The following HIF1AN variants were observed in gnomAD, a reference collection of about 807,000 sequenced individuals.
HIF1AN encodes hypoxia inducible factor 1 subunit alpha inhibitor.
HIF1AN carries 21 observed loss-of-function variants against 47.7 expected under a neutral mutation model. The observed-to-expected ratio is 0.44, with a 90% CI of 0.31 to 0.63. The LOEUF is 0.63. Ranked by LOEUF, HIF1AN falls within the 30% of genes least tolerant of loss-of-function variation. The pLI, the probability that HIF1AN is intolerant of heterozygous loss-of-function variation, is 0.07. For missense variants in HIF1AN, 320 were observed against 432.7 expected (o/e 0.74, Z 2.31); for synonymous variants, 152 against 155.9 (o/e 0.98, Z 0.18).
In HIF1AN at chr10:100,536,008, G is replaced by T; in HGVS notation, c.50G>T (p.Arg17Leu). 6.3e-7 allele frequency: 1 copy of T among 1,577,648 alleles called. No individual in the cohort carries two copies. The highest frequency in any genetic ancestry group is 2.4e-5 in the East Asian group (1 of 42,458). Residue 17 changes from arginine to leucine, a missense_variant, in exon 1 of 8, where the codon CGG becomes CTG. Arg to Leu is a moderately radical substitution (Grantham distance 102, BLOSUM62 -2). This residue lies in a region of HIF1AN where 159 missense variants were observed against 159.9 expected (regional missense o/e 0.99). Coordinates refer to ENST00000299163, the MANE Select transcript of HIF1AN (RefSeq NM_017902.3). ...GTGGCCTCTGGCTCTGGAGAGCCCC[G>T]GGAGGAGGCTGGAGCCCTCGGCCCC... Reference protein sequence around the residue: ...EAVASGSGEPREEAGALGPAW... With the variant: ...EAVASGSGEPLEEAGALGPAW...
In HIF1AN at chr10:100,556,869, G is replaced by A. The variant is rs900091159; in HGVS notation, c.*8732G>A. The A allele has an allele frequency of 2.6e-5, 4 of 152,186 alleles. No individual in the cohort carries two copies. Among genetic ancestry groups the A allele is most frequent in the African/African-American group, 9.7e-5 (4 of 41,434 alleles). The allele number at this position is 152,186 out of a possible 1,614,324, so 9.4% of individuals were successfully genotyped here. A position where few individuals can be genotyped will look rare whatever the true frequency, so the allele number is the denominator to read the frequency against. ...TAAAACACCTGGCTCAAGCACTCAG[G>A]AAAATGTTTTATTATGAAGACCAAG... On this transcript the variant is annotated 3_prime_UTR_variant, in exon 8 of 8. Coordinates refer to ENST00000299163, the MANE Select transcript of HIF1AN (RefSeq NM_017902.3).
chr10:100,547,227 G>A lies in HIF1AN; in HGVS notation c.982G>A (p.Glu328Lys). The change falls in exon 7 of 8, where the codon GAG (glutamate) becomes AAG (lysine). Residue 328 changes from glutamate to lysine, a missense_variant. Coordinates refer to ENST00000299163, the MANE Select transcript of HIF1AN (RefSeq NM_017902.3). ...IMRNIEKMLGEALGNPQEVGP... is the reference protein window; with the variant it reads ...IMRNIEKMLGKALGNPQEVGP... ...GAGAAACATTGAGAAGATGCTTGGAGAGGCCTTGGGGAACCCACAAGAGGT... is the reference window on the plus strand; with the variant it reads ...GAGAAACATTGAGAAGATGCTTGGAAAGGCCTTGGGGAACCCACAAGAGGT... 1 of 1,613,570 alleles carries A rather than the reference G, an allele frequency of 6.2e-7. No individual in the cohort carries two copies. Among genetic ancestry groups the A allele is most frequent in the Non-Finnish European group, 8.5e-7 (1 of 1,179,670 alleles).
chr10:100,548,427 T>C lies in HIF1AN; in HGVS notation c.*290T>C, dbSNP rs1473964102. ...GAGTCCCAGCTTTTGGTTGTCATCA[T>C]GTCTGTGTGTATGTTAGTCTGTCAA... On this transcript the variant is annotated 3_prime_UTR_variant, in exon 8 of 8. Coordinates refer to ENST00000299163, the MANE Select transcript of HIF1AN (RefSeq NM_017902.3). The C allele has an allele frequency of 1.2e-5, 5 of 404,474 alleles. No homozygotes were observed. The South Asian group carries it at 1.6e-4, about 13-fold the overall frequency. 25.1% of individuals were successfully genotyped at this position (404,474 alleles called of 1,614,324 possible). A position where few individuals can be genotyped will look rare whatever the true frequency, so the allele number is the denominator to read the frequency against.
At position 100,553,806 on chromosome 10, in the gene HIF1AN, G is replaced by T. The variant is rs1843189289; in HGVS notation, c.*5669G>T. 6.6e-6 allele frequency: 1 copy of T among 152,164 alleles called. No individual in the cohort carries two copies. 9.4% of individuals were successfully genotyped at this position (152,164 alleles called of 1,614,324 possible). On this transcript the variant is annotated 3_prime_UTR_variant, in exon 8 of 8. Coordinates refer to ENST00000299163, the MANE Select transcript of HIF1AN (RefSeq NM_017902.3). ...AACTATAATAACATGGGTGGAGGGA[G>T]GCATGTTGAAAATATCTACCTCAGG...
chr10:100,537,143 CGT>C (rs1264484492), intron 2 of HIF1AN, among the ~76,000 whole-genome samples: 1 of 152,012 alleles, frequency 6.6e-6, no homozygotes, highest in Non-Finnish European at 1.5e-5. Flanking sequence ...GCCTGGGAAA[CGT>C]GGTGAGAGCT....
chr10:100,542,683 T>TA, intron 3 of HIF1AN, among the ~76,000 whole-genome samples: 1 of 152,234 alleles, frequency 6.6e-6, no homozygotes, highest in East Asian at 1.9e-4. Flanking sequence ...AAATAGATAA[T>TA]ACATTCATGG....
intron 7 of HIF1AN, among the ~76,000 whole-genome samples, chr10:100,547,825 C>G (rs1843108590): frequency 1.3e-5 from 2 of 151,952 alleles, no homozygotes; most frequent in Admixed American, 1.3e-4. Flanking sequence ...GCTTCTCTGA[C>G]CATGTCTGTC....
rs1019961819 is a variant in HIF1AN at position 100,558,417 on chromosome 10, A to G, written c.*10280A>G. 2 of 152,238 alleles carry G rather than the reference A, an allele frequency of 1.3e-5. No homozygotes were observed. The highest frequency in any genetic ancestry group is 4.8e-5 in the African/African-American group (2 of 41,454). 9.4% of individuals were successfully genotyped at this position (152,238 alleles called of 1,614,324 possible). A position where few individuals can be genotyped will look rare whatever the true frequency, so the allele number is the denominator to read the frequency against. ...GGAGTTTGAGATCAGCCTAGGCAGCATAGTGACACCCCATCTCTTGAAAAA... is the reference window on the plus strand; with the variant it reads ...GGAGTTTGAGATCAGCCTAGGCAGCGTAGTGACACCCCATCTCTTGAAAAA... On this transcript the variant is annotated 3_prime_UTR_variant, in exon 8 of 8. Transcript: ENST00000299163.
intron 3 of HIF1AN, among the ~76,000 whole-genome samples, chr10:100,541,935 A>G (rs1299982412): frequency 6.6e-6 from 1 of 152,220 alleles, no homozygotes; most frequent in African/African-American, 2.4e-5. Flanking sequence ...ACCATGTACT[A>G]CATGGTGTTA....
In HIF1AN at chr10:100,548,224, G is replaced by A. The variant is rs1843113346; in HGVS notation, c.*87G>A. Reference sequence around the variant, plus strand: ...TGAGGACAGGAGACTCCAAGCGCTAGTATTGCACGCTGCACTTAATGGACT... The same window carrying A: ...TGAGGACAGGAGACTCCAAGCGCTAATATTGCACGCTGCACTTAATGGACT... On this transcript the variant is annotated 3_prime_UTR_variant, in exon 8 of 8. Transcript: ENST00000299163. The A allele has an allele frequency of 3.4e-6, 4 of 1,163,966 alleles. No individual in the cohort carries two copies. Among genetic ancestry groups the A allele is most frequent in the Non-Finnish European group, 4.8e-6 (4 of 825,314 alleles). 72.1% of individuals were successfully genotyped at this position (1,163,966 alleles called of 1,614,324 possible).
intron 2 of HIF1AN, 88 bp downstream of exon 2, chr10:100,536,749 C>G (rs1185919087): frequency 1.4e-5 from 20 of 1,449,052 alleles, no homozygotes; most frequent in Non-Finnish European, 1.8e-5. Context: ...AGAATTGGGT[C>G]AATTAGAGAT....
At position 100,550,023 on chromosome 10, in the gene HIF1AN, C is replaced by A. The variant is rs1022224523; in HGVS notation, c.*1886C>A. 1.3e-5 allele frequency: 2 copies of A among 152,174 alleles called. No individual in the cohort carries two copies. Among genetic ancestry groups the A allele is most frequent in the African/African-American group, 4.8e-5 (2 of 41,430 alleles). The allele number at this position is 152,174 out of a possible 1,614,324, so 9.4% of individuals were successfully genotyped here. A position where few individuals can be genotyped will look rare whatever the true frequency, so the allele number is the denominator to read the frequency against. On this transcript the variant is annotated 3_prime_UTR_variant, in exon 8 of 8. Transcript: ENST00000299163. Reference sequence around the variant, plus strand: ...GAAATGTGATTGCAGTGATCTCTATCTCTCCACTTCTTTTGGGAAAGAGGA... The same window carrying A: ...GAAATGTGATTGCAGTGATCTCTATATCTCCACTTCTTTTGGGAAAGAGGA...
intron 4 of HIF1AN, chr10:100,545,304 C>T: frequency 2.0e-6 from 1 of 508,524 alleles, no homozygotes; most frequent in Non-Finnish European, 3.5e-6. Flanking sequence ...ATAACTAGCC[C>T]CACAGAGCTA....
chr10:100,536,503 C>G lies in HIF1AN; in HGVS notation c.270C>G (p.Phe90Leu). Residue 90 changes from phenylalanine to leucine, a missense_variant, in exon 2 of 8, where the codon TTC (phenylalanine) becomes TTG (leucine). Physicochemically the swap from Phe to Leu is conservative, Grantham distance 22. This residue lies in a region of HIF1AN where 159 missense variants were observed against 159.9 expected (regional missense o/e 0.99). Transcript: ENST00000299163. The part of the protein sequence containing the change: ...YLQENIGNGD[F>L]SVYSASTHKF... ...AAGAGAATATTGGCAATGGAGACTT[C>G]TCTGTGTACAGTGCCAGCACCCACA... The G allele has an allele frequency of 6.2e-7, 1 of 1,614,170 alleles. No individual in the cohort carries two copies. Among genetic ancestry groups the G allele is most frequent in the Non-Finnish European group, 8.5e-7 (1 of 1,180,034 alleles).
chr10:100,544,884 G>A (rs1339114328), intron 3 of HIF1AN, 67 bp from the exon 4 acceptor site: 2 of 1,490,294 alleles, frequency 1.3e-6, no homozygotes, highest in Non-Finnish European at 1.9e-6. Context: ...TTTAGCACTG[G>A]GTCCTGTATT....
Position 100,552,394 on chromosome 10 carries a change from C to T in HIF1AN, c.*4257C>T, listed in dbSNP as rs1439229660. On this transcript the variant is annotated 3_prime_UTR_variant, in exon 8 of 8. Coordinates refer to ENST00000299163, the MANE Select transcript of HIF1AN (RefSeq NM_017902.3). The stretch of plus-strand genomic sequence containing the variant: ...TTAGCAGGGGCTGCAGGGAATGACC[C>T]TCAGGGACCAGTTTCACCCAGATGG... 2.0e-5 allele frequency: 3 copies of T among 152,228 alleles called. No homozygotes were observed. The highest frequency in any genetic ancestry group is 4.4e-5 in the Non-Finnish European group (3 of 68,094). 9.4% of individuals were successfully genotyped at this position (152,228 alleles called of 1,614,324 possible).
rs200930439 is a variant in HIF1AN, at chr10:100,538,906, T to TTTC, written c.429-1726_429-1725insCTT. ...GAGATGAGATGCCTTTGAACCTTTC[T>TTTC]TTTTTTTTTTTTTTTTTGAGACAGG... On this transcript the variant is annotated intron_variant, in intron 2 of 7. Transcript: ENST00000299163. 5.6e-3 allele frequency among the ~76,000 whole-genome samples: 616 copies of TTTC among 110,666 alleles called. 4 individuals carry two copies. Among genetic ancestry groups the TTTC allele is most frequent in the African/African-American group, 0.014 (348 of 24,046 alleles). The allele number at this position is 110,666 out of a possible 152,430, so 72.6% of individuals were successfully genotyped here. A position where few individuals can be genotyped will look rare whatever the true frequency, so the allele number is the denominator to read the frequency against.
intron 3 of HIF1AN, among the ~76,000 whole-genome samples, chr10:100,544,171 G>A (rs1330363331): frequency 6.6e-6 from 1 of 152,194 alleles, no homozygotes; most frequent in Admixed American, 6.5e-5. Context: ...ATTCAAGGTG[G>A]CATTTAAAAT....
At chr10:100,542,851 T>TG (rs1554844212) in intron 3 of HIF1AN, among the ~76,000 whole-genome samples, 3 of 91,386 alleles carry the variant, frequency 3.3e-5, no homozygotes, top group South Asian at 7.2e-4. Context: ...AATGTGTTTT[T>TG]TTTTTTTTTT....
Sources: gnomAD v4.1 joint callset for allele counts (sites outside exome capture counted in the v4.1 genomes callset) on GRCh38, gnomAD v4.1.1 for gene constraint, gnomAD v4.1.1 regional missense constraint, MANE v1.5 for transcripts, NCBI Gene and HGNC (gene_info 2026-07-23, HGNC 2026-07-21) for gene names.